The following POM121C variants were observed in gnomAD, a reference collection of about 807,000 sequenced individuals.
POM121C encodes the protein nuclear envelope pore membrane protein POM 121C.
POM121C carries 20 observed loss-of-function variants against 66.4 expected under a neutral mutation model. The ratio of observed to expected loss-of-function variants is 0.30; its 90% CI spans 0.21 to 0.44. The LOEUF is 0.44. POM121C is among the 20% of genes least tolerant of loss of function. The probability of loss-of-function intolerance (pLI) is 1.00; values close to 1 mark genes in which losing one functional copy is unlikely to be tolerated. For synonymous variants in POM121C, 286 were observed against 528.0 expected, an observed-to-expected ratio of 0.54 and a Z score of 6.28; for missense variants, 580 against 1,225.7, an observed-to-expected ratio of 0.47 and a Z score of 7.87.
chr7:75,432,426 A>C (rs587598146), intron 7 of POM121C, among the ~76,000 whole-genome samples: 5 of 152,344 alleles, frequency 3.3e-5, no homozygotes, highest in South Asian at 4.1e-4. Flanking sequence ...ATGTGGACAC[A>C]TCTCACAAGT....
chr7:75,455,355 C>T (rs1343110648), intron 3 of POM121C, among the ~76,000 whole-genome samples: 5 of 152,138 alleles, frequency 3.3e-5, no homozygotes, highest in African/African-American at 1.2e-4. Context: ...AGTACAGTGG[C>T]GCGATCTCGG....
chr7:75,453,238 C>T (rs587716190), intron 3 of POM121C, among the ~76,000 whole-genome samples: 1 of 149,920 alleles, frequency 6.7e-6, no homozygotes, highest in African/African-American at 2.5e-5. Flanking sequence ...CAAGACCATC[C>T]TCAGCAATAC....
At chr7:75,477,134 C>CACACACACACACACAT (rs1491293098) in intron 1 of POM121C, among the ~76,000 whole-genome samples, 1 of 149,552 alleles carries the variant, frequency 6.7e-6, no homozygotes, top group Non-Finnish European at 1.5e-5. Context: ...CACACACACA[C>CACACACACACACACAT]TCTTATGCCT....
chr7:75,419,460 G>A lies in POM121C; in HGVS notation c.2744-18C>T. ...GGCGGTGCCTGGAATGAAGAGAACAGAGAGCTAGCCAGTGAGCAGAGGGCG... is the reference window on the plus strand; with the variant it reads ...GGCGGTGCCTGGAATGAAGAGAACAAAGAGCTAGCCAGTGAGCAGAGGGCG... On this transcript the variant is annotated intron_variant, in intron 13 of 14. Coordinates refer to ENST00000615331, the MANE Select transcript of POM121C (RefSeq NM_001099415.3). 6.2e-7 allele frequency: 1 copy of A among 1,612,740 alleles called. No homozygotes were observed. Among genetic ancestry groups the A allele is most frequent in the Non-Finnish European group, 8.5e-7 (1 of 1,179,490 alleles).
chr7:75,482,775 A>T (rs587689617), intron 1 of POM121C, among the ~76,000 whole-genome samples: 2 of 152,232 alleles, frequency 1.3e-5, no homozygotes, highest in Middle Eastern at 3.4e-3. Flanking sequence ...TTTAAAAGCC[A>T]AGAAAAGAGA....
rs201176163 is a variant in POM121C at position 75,472,467 on chromosome 7, T to G, written c.-152+2237A>C. Among the ~76,000 whole-genome samples, 20 of 151,898 alleles carry G rather than the reference T, an allele frequency of 1.3e-4. No individual in the cohort carries two copies. In the East Asian group the frequency reaches 2.9e-3, roughly 22 times the overall value. ...GGCAGAGGTTATCGTGAGCCAAGAT[T>G]GTGCCACTGCACTCCAGCCTCAGTG... On this transcript the variant is annotated intron_variant, in intron 3 of 14. Transcript: ENST00000615331.
chr7:75,460,678 G>A, intron 3 of POM121C, among the ~76,000 whole-genome samples: 1 of 152,020 alleles, frequency 6.6e-6, no homozygotes, highest in Non-Finnish European at 1.5e-5. Context: ...ACAATGAAGA[G>A]AGAGGCTGCT....
At chr7:75,460,202 T>A (rs1316021687) in intron 3 of POM121C, among the ~76,000 whole-genome samples, 1 of 141,564 alleles carries the variant, frequency 7.1e-6, no homozygotes, top group Non-Finnish European at 1.5e-5. Flanking sequence ...TTTTTAAAAA[T>A]GACTCATGGC....
At chr7:75,424,873 T>C (rs142931484) in intron 10 of POM121C, 106,574 of 1,175,980 alleles carry the variant, frequency 0.091, 5,566 homozygotes, top group Non-Finnish European at 0.1. Context: ...GGCAGGAGAA[T>C]TGCTTGAACT....
At position 75,462,777 on chromosome 7, in the gene POM121C, G is replaced by A. The variant is rs200458916; in HGVS notation, c.-152+11927C>T. Among the ~76,000 whole-genome samples the A allele has an allele frequency of 1.2e-4, 18 of 151,068 alleles. No individual in the cohort carries two copies. The East Asian group carries it at 2.7e-3, about 22-fold the overall frequency. ...CAAATGCATACCCTGCTGATGCCTA[G>A]GCAAAAGATTACAGTTGAGGCAAAC... On this transcript the variant is annotated intron_variant, in intron 3 of 14. Coordinates refer to ENST00000615331, the MANE Select transcript of POM121C (RefSeq NM_001099415.3).
At chr7:75,419,613 C>G (rs1789612711) in intron 13 of POM121C, 171 bp from the exon 14 acceptor site, 1 of 754,790 alleles carries the variant, frequency 1.3e-6, no homozygotes, top group African/African-American at 1.8e-5. Context: ...GTCTTCATGC[C>G]TGGTGCCCCA....
At position 75,419,362 on chromosome 7, in the gene POM121C, A is replaced by T; in HGVS notation, c.2824T>A (p.Ser942Thr). ...TSGSSLSFGASSAPAQGFVGV... is the reference protein window; with the variant it reads ...TSGSSLSFGATSAPAQGFVGV... ...ACAAAGCCTTGGGCGGGTGCTGAAG[A>T]TGCCCCAAAGGAGAGGCTGCTGCCC... The change falls in exon 14 of 15, where the codon TCT becomes ACT. Residue 942 changes from serine to threonine, a missense_variant. Transcript: ENST00000615331. 6.2e-7 allele frequency: 1 copy of T among 1,613,812 alleles called. No homozygotes were observed. Among genetic ancestry groups the T allele is most frequent in the Non-Finnish European group, 8.5e-7 (1 of 1,179,784 alleles).
chr7:75,440,991 C>T lies in POM121C; in HGVS notation c.190G>A (p.Asp64Asn), dbSNP rs1324931345. Residue 64 changes from aspartate to asparagine, a missense_variant, in exon 5 of 15, where the codon GAC becomes AAC. Coordinates refer to ENST00000615331, the MANE Select transcript of POM121C (RefSeq NM_001099415.3). ...TCCTGGCCATCAAGGAATATTTGGTCTTCTTCCTCCACTGTCCTTTTCTTC... is the reference window on the plus strand; with the variant it reads ...TCCTGGCCATCAAGGAATATTTGGTTTTCTTCCTCCACTGTCCTTTTCTTC... Reference protein sequence around the residue: ...KKKKRTVEEEDQIFLDGQENK... With the variant: ...KKKKRTVEEENQIFLDGQENK... 1.2e-6 allele frequency: 2 copies of T among 1,613,882 alleles called. No individual in the cohort carries two copies. The highest frequency in any genetic ancestry group is 1.3e-5 in the African/African-American group (1 of 74,928).
At chr7:75,481,776 TA>T (rs1792317986) in intron 1 of POM121C, among the ~76,000 whole-genome samples, 1 of 152,020 alleles carries the variant, frequency 6.6e-6, no homozygotes, top group Admixed American at 6.6e-5. Flanking sequence ...CAGTGAGCCA[TA>T]AACGTGCCAG....
intron 3 of POM121C, among the ~76,000 whole-genome samples, chr7:75,457,962 G>A (rs1275339707): frequency 6.6e-6 from 1 of 152,274 alleles, no homozygotes; most frequent in East Asian, 1.9e-4. Context: ...GGGAAGGAAA[G>A]TACACTTGGA....
intron 3 of POM121C, among the ~76,000 whole-genome samples, chr7:75,460,417 A>G (rs1360760013): frequency 1.3e-5 from 2 of 151,934 alleles, no homozygotes; most frequent in Admixed American, 6.6e-5. Flanking sequence ...TGAGAGAATC[A>G]CTCAAGCCCA....
chr7:75,473,283 G>C (rs1335717267), intron 3 of POM121C, among the ~76,000 whole-genome samples: 1 of 151,608 alleles, frequency 6.6e-6, no homozygotes, highest in Non-Finnish European at 1.5e-5. Flanking sequence ...TAGAAGTTGA[G>C]ATTAGATAAA....
In POM121C at chr7:75,421,893, G is replaced by C. The variant is rs781950658; in HGVS notation, c.2359C>G (p.Pro787Ala). The change falls in exon 13 of 15, where the codon CCC becomes GCC. Residue 787 changes from proline (P) to alanine (A), a missense_variant. Coordinates refer to ENST00000615331, the MANE Select transcript of POM121C (RefSeq NM_001099415.3). ...LKATASAFGA[P>A]ASSQPAFGGS... ...CCAAAGGCGGGCTGTGAGCTGGCGGGAGCGCCGAAGGCGGAAGCCGTGGCT... is the reference window on the plus strand; with the variant it reads ...CCAAAGGCGGGCTGTGAGCTGGCGGCAGCGCCGAAGGCGGAAGCCGTGGCT... 1.2e-6 allele frequency: 2 copies of C among 1,612,474 alleles called. No individual in the cohort carries two copies. Among genetic ancestry groups the C allele is most frequent in the East Asian group, 4.5e-5 (2 of 44,882 alleles).
intron 3 of POM121C, among the ~76,000 whole-genome samples, chr7:75,461,177 C>A: frequency 6.6e-6 from 1 of 152,070 alleles, no homozygotes; most frequent in African/African-American, 2.4e-5. Context: ...TACATTGTAA[C>A]ACTTAAAATG....
Sources: gnomAD v4.1 joint callset for allele counts (sites outside exome capture counted in the v4.1 genomes callset) on GRCh38, gnomAD v4.1.1 for gene constraint, MANE v1.5 for transcripts, NCBI Gene and HGNC (gene_info 2026-07-23, HGNC 2026-07-21) for gene names.